Variants in RANBP2 observed in about 807,000 individuals in gnomAD.
RANBP2 encodes RAN binding protein 2, also known as E3 SUMO-protein ligase RanBP2.
Under a neutral mutation model 303.6 loss-of-function variants are expected in RANBP2, and 57 were observed. The observed-to-expected ratio is 0.19, with a 90% CI of 0.15 to 0.23. RANBP2 has a LOEUF of 0.23. Among genes scored for constraint, RANBP2 ranks in the 10% least tolerant of loss-of-function variants. The probability of loss-of-function intolerance (pLI) is 1.00; values close to 1 mark genes in which losing one functional copy is unlikely to be tolerated. For missense variants in RANBP2, 3,138 were observed against 3,780.8 expected (o/e 0.83, Z 4.46); for synonymous variants, 1,167 against 1,301.5 (o/e 0.90, Z 2.23).
chr2:109,250,199 A>G, the RANBP2 span, among the ~76,000 whole-genome samples: 1 of 150,234 alleles, frequency 6.7e-6, no homozygotes. Flanking sequence ...TAAGGTTTTG[A>G]TATAATTCAG....
the RANBP2 span, among the ~76,000 whole-genome samples, chr2:109,315,974 T>C: frequency 6.6e-6 from 1 of 152,202 alleles, no homozygotes; most frequent in Non-Finnish European, 1.5e-5. Flanking sequence ...AGAAGTCTTT[T>C]TGGTCTGACT....
the RANBP2 span, among the ~76,000 whole-genome samples, chr2:109,295,447 G>T: frequency 1.3e-5 from 2 of 152,366 alleles, no homozygotes; most frequent in Non-Finnish European, 2.9e-5. Flanking sequence ...CGAGGGGCAC[G>T]CAGGGCAGGG....
the RANBP2 span, among the ~76,000 whole-genome samples, chr2:108,867,994 A>G: frequency 1.3e-5 from 2 of 152,338 alleles, no homozygotes; most frequent in African/African-American, 4.8e-5. Context: ...TATCTGAGGA[A>G]CTTGGATTCT....
intron 25 of RANBP2, among the ~76,000 whole-genome samples, chr2:108,778,489 ATG>A (rs1678031032): frequency 1.3e-5 from 2 of 152,182 alleles, no homozygotes; most frequent in South Asian, 4.1e-4. Flanking sequence ...ATTTTCTCTA[ATG>A]TCTCAAAGCT....
chr2:109,341,647 C>T, the RANBP2 span, among the ~76,000 whole-genome samples: 1 of 152,174 alleles, frequency 6.6e-6, no homozygotes, highest in Admixed American at 6.5e-5. Flanking sequence ...TCTGCAAGGT[C>T]ACCCCAAGAC....
the RANBP2 span, among the ~76,000 whole-genome samples, chr2:109,294,721 T>C: frequency 6.6e-6 from 1 of 151,996 alleles, no homozygotes; most frequent in African/African-American, 2.4e-5. Context: ...GACACAGCCC[T>C]ACAGGGGAAG....
chr2:109,470,891 G>C, the RANBP2 span, among the ~76,000 whole-genome samples: 1 of 152,240 alleles, frequency 6.6e-6, no homozygotes, highest in Non-Finnish European at 1.5e-5. Context: ...GGCAGAGTCA[G>C]TGTATTAGTC....
chr2:108,735,898 C>G, intron 5 of RANBP2, 136 bp downstream of exon 5: 2 of 1,521,260 alleles, frequency 1.3e-6, no homozygotes, highest in East Asian at 2.3e-5. Flanking sequence ...GAAATTTTTA[C>G]CAGGATCAGT....
chr2:108,975,232 C>T, the RANBP2 span, among the ~76,000 whole-genome samples: 25 of 152,192 alleles, frequency 1.6e-4, no homozygotes, highest in Non-Finnish European at 2.8e-4. Flanking sequence ...GATCTGAACA[C>T]AGGGATAGCA....
At chr2:109,178,316 A>C in the RANBP2 span, among the ~76,000 whole-genome samples, 1 of 152,134 alleles carries the variant, frequency 6.6e-6, no homozygotes, top group Non-Finnish European at 1.5e-5. Context: ...AATGTTCTCT[A>C]TTGCAATTCA....
At chr2:108,849,816 A>G in the RANBP2 span, among the ~76,000 whole-genome samples, 1 of 152,152 alleles carries the variant, frequency 6.6e-6, no homozygotes, top group Non-Finnish European at 1.5e-5. Context: ...TTCATCTACT[A>G]CCTGGGGCCA....
At chr2:109,105,161 T>C in the RANBP2 span, among the ~76,000 whole-genome samples, 2 of 152,192 alleles carry the variant, frequency 1.3e-5, no homozygotes, top group African/African-American at 4.8e-5. Context: ...CCTGAAGCTG[T>C]GATCAAGCCA....
At chr2:109,404,079 G>T in the RANBP2 span, among the ~76,000 whole-genome samples, 30 of 152,318 alleles carry the variant, frequency 2.0e-4, no homozygotes, top group African/African-American at 7.2e-4. Flanking sequence ...CCCATCTCTG[G>T]CTTGGTGCTG....
rs373123838 is a variant in RANBP2 at position 108,782,350 on chromosome 2, C to G, written c.8983C>G (p.Pro2995Ala). ...TATTACTAAAACAATGGAATTAAAG[C>G]CCTTAAATGTTTCAAATAATGCTTT... The part of the protein sequence containing the change: ...HVITKTMELK[P>A]LNVSNNALVW... The change falls in exon 27 of 29, where the codon CCC becomes GCC. Residue 2995 changes from proline to alanine, a missense_variant. Pro to Ala is a conservative substitution (Grantham distance 27). Transcript: ENST00000283195. 3 of 1,614,102 alleles carry G rather than the reference C, an allele frequency of 1.9e-6. No individual in the cohort carries two copies. In the African/African-American group the frequency reaches 4.0e-5, roughly 22 times the overall value.
the RANBP2 span, chr2:109,398,577 C>T: frequency 2.6e-6 from 4 of 1,539,272 alleles, no homozygotes; most frequent in South Asian, 1.2e-5. Flanking sequence ...CCCCTCTCCC[C>T]TTTCTCACTC....
the RANBP2 span, among the ~76,000 whole-genome samples, chr2:109,612,115 A>G: frequency 6.6e-6 from 1 of 152,170 alleles, no homozygotes; most frequent in African/African-American, 2.4e-5. Flanking sequence ...CAATCATACC[A>G]TGGAATACTA....
chr2:109,638,419 T>A, the RANBP2 span, among the ~76,000 whole-genome samples: 1 of 152,190 alleles, frequency 6.6e-6, no homozygotes. Context: ...AGGTTCCAAA[T>A]TCCCCACCAG....
At chr2:109,735,379 G>C in the RANBP2 span, among the ~76,000 whole-genome samples, 1 of 152,112 alleles carries the variant, frequency 6.6e-6, no homozygotes, top group Non-Finnish European at 1.5e-5. Flanking sequence ...TGTGGTTATA[G>C]ACCACATTTT....
the RANBP2 span, among the ~76,000 whole-genome samples, chr2:108,808,543 T>G: frequency 6.6e-6 from 1 of 152,320 alleles, no homozygotes; most frequent in East Asian, 1.9e-4. Flanking sequence ...GTCTTTTTCA[T>G]AGCCTTTCTA....
Sources: gnomAD v4.1 joint callset for allele counts (sites outside exome capture counted in the v4.1 genomes callset) on GRCh38, gnomAD v4.1.1 for gene constraint, MANE v1.5 for transcripts, NCBI Gene and HGNC (gene_info 2026-07-23, HGNC 2026-07-21) for gene names.